Variants in DCP1B observed in about 807,000 individuals in gnomAD.
DCP1B encodes decapping mRNA 1B, also known as mRNA-decapping enzyme 1B.
A neutral mutation model predicts 60.5 loss-of-function variants in DCP1B; 47 were observed. The observed-to-expected ratio is 0.78, with a 90% CI of 0.61 to 0.99. The LOEUF is 0.99. Among genes scored for constraint, DCP1B ranks in the 50% least tolerant of loss-of-function variants. DCP1B has a pLI of 0.00. For synonymous variants in DCP1B, 267 were observed against 280.3 expected (o/e 0.95, Z 0.47); for missense variants, 725 against 756.8 (o/e 0.96, Z 0.49).
chr12:1,947,287 T>G (rs2030467324), intron 8 of DCP1B, among the ~76,000 whole-genome samples: 1 of 152,208 alleles, frequency 6.6e-6, no homozygotes, highest in Non-Finnish European at 1.5e-5. Context: ...TCACCCACAC[T>G]TCACATTCCC....
In DCP1B at chr12:1,962,657, A is replaced by G. The variant is rs1052288397; in HGVS notation, c.522+2901T>C. Reference sequence around the variant, plus strand: ...TCATAATTTTTTTTAATGACTTTTGAAGAATTAAAAAAACACAAAATGAAT... The same window carrying G: ...TCATAATTTTTTTTAATGACTTTTGGAGAATTAAAAAAACACAAAATGAAT... On this transcript the variant is annotated intron_variant, in intron 5 of 8. Coordinates refer to ENST00000280665, the MANE Select transcript of DCP1B (RefSeq NM_152640.5). The surrounding 1 kb of genome is among the most constrained non-coding windows in gnomAD (Gnocchi z 4.4). Among the ~76,000 whole-genome samples, 1 of 152,064 alleles carries G rather than the reference A, an allele frequency of 6.6e-6. No individual in the cohort carries two copies. Among genetic ancestry groups the G allele is most frequent in the African/African-American group, 2.4e-5 (1 of 41,394 alleles).
At chr12:2,000,767 G>A in intron 1 of DCP1B, among the ~76,000 whole-genome samples, 1 of 152,138 alleles carries the variant, frequency 6.6e-6, no homozygotes, top group East Asian at 1.9e-4. Flanking sequence ...CCGGGCACAG[G>A]GGCTCACGCC....
rs1294972723 is a variant in DCP1B at position 1,952,494 on chromosome 12, C to T, written c.1446G>A (p.Gln482=). Residue 482 remains glutamine, a synonymous_variant, in exon 7 of 9, where the codon CAG becomes CAA. Transcript: ENST00000280665. The part of the protein sequence containing the change: ...ALAAKFPVLA[Q]SSGTGKPLES... The stretch of plus-strand genomic sequence containing the variant: ...CCAAGGGTTTCCCTGTTCCAGAGCT[C>T]TGAGCGAGCACAGGAAACTTAGCGG... 5 of 1,613,956 alleles carry T rather than the reference C, an allele frequency of 3.1e-6. No individual in the cohort carries two copies. Among genetic ancestry groups the T allele is most frequent in the Non-Finnish European group, 4.2e-6 (5 of 1,179,994 alleles).
Position 1,955,488 on chromosome 12 carries a change from G to T in DCP1B, c.595C>A (p.Pro199Thr), listed in dbSNP as rs1462590082. ...TTTTCACTGGGTTTCACTGGAATTG[G>T]TTTGATGAGATTTGGATTGTCATAG... ...AIYDNPNLIKPIPVKPSENQQ... is the reference protein window; with the variant it reads ...AIYDNPNLIKTIPVKPSENQQ... Residue 199 changes from proline (P) to threonine (T), a missense_variant, in exon 6 of 9, where the codon CCA becomes ACA. Pro to Thr is a conservative substitution (Grantham distance 38). Transcript: ENST00000280665. The T allele has an allele frequency of 6.2e-7, 1 of 1,613,884 alleles. No individual in the cohort carries two copies. The highest frequency in any genetic ancestry group is 8.5e-7 in the Non-Finnish European group (1 of 1,179,906).
intron 5 of DCP1B, among the ~76,000 whole-genome samples, chr12:1,958,438 A>G (rs1202933820): frequency 2.3e-3 from 84 of 37,170 alleles, no homozygotes; most frequent in East Asian, 5.0e-3. Context: ...GGAAGGAAAC[A>G]GGGGAAAAGC....
intron 3 of DCP1B, 22 bp downstream of exon 3, chr12:1,993,242 C>T: frequency 6.2e-7 from 1 of 1,614,016 alleles, no homozygotes; most frequent in African/African-American, 1.3e-5. Flanking sequence ...TAAAACAACC[C>T]ACTGTAGTAA....
At chr12:1,958,567 CA>C (rs1161440792) in intron 5 of DCP1B, among the ~76,000 whole-genome samples, 2 of 148,366 alleles carry the variant, frequency 1.3e-5, no homozygotes, top group Admixed American at 6.7e-5. Context: ...TGGAAGAAGA[CA>C]GGGGAAAAGC....
intron 7 of DCP1B, chr12:1,950,119 C>A (rs541016711): frequency 1.8e-6 from 1 of 544,688 alleles, no homozygotes; most frequent in Non-Finnish European, 3.3e-6. Flanking sequence ...CCGAACTCCC[C>A]GAAAGAACTC....
At chr12:1,989,312 T>C (rs2038726609) in intron 3 of DCP1B, among the ~76,000 whole-genome samples, 1 of 152,138 alleles carries the variant, frequency 6.6e-6, no homozygotes, top group Non-Finnish European at 1.5e-5. Context: ...CACTCCAGCC[T>C]GGGTGACAGA....
At chr12:1,946,985 G>A (rs996100195) in intron 8 of DCP1B, among the ~76,000 whole-genome samples, 6 of 152,202 alleles carry the variant, frequency 3.9e-5, no homozygotes, top group African/African-American at 1.4e-4. Context: ...ATGAGCCACT[G>A]TGGTTCTTAA....
At chr12:1,941,919 G>T (rs1042224558), downstream of DCP1B, among the ~76,000 whole-genome samples, 1 of 152,136 alleles carries the variant, frequency 6.6e-6, no homozygotes, top group Admixed American at 6.5e-5. Context: ...ATAATGACAG[G>T]ATCAAGTTTA....
chr12:1,952,915 G>A lies in DCP1B; in HGVS notation c.1025C>T (p.Thr342Ile), dbSNP rs1174193164. The part of the protein sequence containing the change: ...VQPGSPHNIG[T>I]SRGVQNASRT... ...GGAAGCATTTTGTACACCACGAGAAGTTCCAATGTTGTGAGGAGACCCTGG... is the reference window on the plus strand; with the variant it reads ...GGAAGCATTTTGTACACCACGAGAAATTCCAATGTTGTGAGGAGACCCTGG... The change falls in exon 7 of 9, where the codon ACT (threonine) becomes ATT (isoleucine). Residue 342 changes from threonine to isoleucine, a missense_variant. Coordinates refer to ENST00000280665, the MANE Select transcript of DCP1B (RefSeq NM_152640.5). The A allele has an allele frequency of 6.2e-7, 1 of 1,614,104 alleles. No homozygotes were observed. The highest frequency in any genetic ancestry group is 1.3e-5 in the African/African-American group (1 of 74,926).
intron 7 of DCP1B, chr12:1,950,242 TA>T: frequency 1.5e-6 from 1 of 664,870 alleles, no homozygotes. Flanking sequence ...CTGTTTCTTT[TA>T]ACTTGTCCCT....
intron 3 of DCP1B, 121 bp downstream of exon 3, chr12:1,993,143 A>T: frequency 7.6e-7 from 1 of 1,312,124 alleles, no homozygotes; most frequent in Non-Finnish European, 1.1e-6. Context: ...ATTTGTTAAA[A>T]TGCTGACACC....
chr12:1,951,167 C>T (rs1364235090), intron 7 of DCP1B, among the ~76,000 whole-genome samples: 2 of 152,066 alleles, frequency 1.3e-5, no homozygotes, highest in Non-Finnish European at 1.5e-5. Flanking sequence ...CCCTGCTACT[C>T]AGGAGGCTGA....
At chr12:2,002,891 C>T (rs1317663050) in intron 1 of DCP1B, among the ~76,000 whole-genome samples, 1 of 152,022 alleles carries the variant, frequency 6.6e-6, no homozygotes, top group Non-Finnish European at 1.5e-5. Context: ...ACGAAGGTGA[C>T]ACCTCGAAAA....
intron 5 of DCP1B, among the ~76,000 whole-genome samples, chr12:1,958,148 A>G (rs1369978567): frequency 1.1e-3 from 118 of 112,066 alleles, no homozygotes; most frequent in Admixed American, 1.4e-3. Context: ...CTGGGCAATG[A>G]CTTTTTCTAT....
At position 1,949,130 on chromosome 12, in the gene DCP1B, G is replaced by A. The variant is rs776011833; in HGVS notation, c.1729C>T (p.Leu577Phe). 1.9e-6 allele frequency: 3 copies of A among 1,614,160 alleles called. No homozygotes were observed. Among genetic ancestry groups the A allele is most frequent in the East Asian group, 2.2e-5 (1 of 44,876 alleles). ...GCCTCCTGGAGCTGGAGCTTGGTGA[G>A]TGGGCTGCTGGTGATCACGGAGGGC... ...PEPSVITSSP[L>F]TKLQLQEALL... The change falls in exon 8 of 9, where the codon CTC (leucine) becomes TTC (phenylalanine). Residue 577 changes from leucine to phenylalanine, a missense_variant. Coordinates refer to ENST00000280665, the MANE Select transcript of DCP1B (RefSeq NM_152640.5).
chr12:1,991,044 CTT>C, intron 3 of DCP1B: 1 of 450,300 alleles, frequency 2.2e-6, no homozygotes, highest in Non-Finnish European at 4.4e-6. Flanking sequence ...CCCTTTCACT[CTT>C]TGTTGTTCAA....
Sources: gnomAD v4.1 joint callset for allele counts (sites outside exome capture counted in the v4.1 genomes callset) on GRCh38, gnomAD v4.1.1 for gene constraint, Gnocchi (gnomAD v3.1) non-coding constraint, MANE v1.5 for transcripts, NCBI Gene and HGNC (gene_info 2026-07-23, HGNC 2026-07-21) for gene names.